PAPOLG: variants seen among roughly 807,000 people sequenced by gnomAD.
The protein encoded by PAPOLG is PAP-gamma.
PAPOLG carries 40 observed loss-of-function variants against 99.0 expected under a neutral mutation model. The observed-to-expected ratio is 0.40, with a 90% CI of 0.31 to 0.53. The LOEUF (loss-of-function observed/expected upper bound fraction) is 0.53, where lower values mean the gene tolerates loss of function less well. Among genes scored for constraint, PAPOLG ranks in the 20% least tolerant of loss-of-function variants. The probability of loss-of-function intolerance (pLI) is 0.41; values close to 1 mark genes in which losing one functional copy is unlikely to be tolerated. For missense variants in PAPOLG, 675 were observed against 884.1 expected, an observed-to-expected ratio of 0.76 and a Z score of 3.00; for synonymous variants, 310 against 299.3, an observed-to-expected ratio of 1.04 and a Z score of -0.37.
intron 21 of PAPOLG, among the ~76,000 whole-genome samples, chr2:60,796,041 T>C (rs1671685697): frequency 6.6e-6 from 1 of 152,102 alleles, no homozygotes; most frequent in Admixed American, 6.6e-5. Flanking sequence ...TAAGTCCTTA[T>C]TGCCCTGGTG....
At chr2:60,771,797 T>G (rs1318267493) in intron 7 of PAPOLG, among the ~76,000 whole-genome samples, 167 bp downstream of exon 7, 1 of 152,196 alleles carries the variant, frequency 6.6e-6, no homozygotes, top group Non-Finnish European at 1.5e-5. Context: ...AAACCACAAA[T>G]TTATTTGAAA....
At chr2:60,788,119 C>T (rs1196391306) in intron 15 of PAPOLG, among the ~76,000 whole-genome samples, 1 of 151,784 alleles carries the variant, frequency 6.6e-6, no homozygotes, top group Non-Finnish European at 1.5e-5. Context: ...ATTCAGAACA[C>T]TGTGTACACT....
intron 8 of PAPOLG, among the ~76,000 whole-genome samples, chr2:60,775,725 A>G (rs995531348): frequency 6.6e-6 from 1 of 151,774 alleles, no homozygotes; most frequent in East Asian, 1.9e-4. Flanking sequence ...TTTGTTTCCC[A>G]GTGCATATAA....
chr2:60,793,297 C>G (rs539277296), intron 17 of PAPOLG, among the ~76,000 whole-genome samples: 1 of 149,140 alleles, frequency 6.7e-6, no homozygotes, highest in African/African-American at 2.5e-5. Context: ...TGGGTCACAT[C>G]TATAATTTCA....
intron 8 of PAPOLG, among the ~76,000 whole-genome samples, chr2:60,775,633 C>G (rs921416708): frequency 1.3e-5 from 2 of 152,096 alleles, no homozygotes; most frequent in East Asian, 3.8e-4. Context: ...ACAGCACATT[C>G]TGTATTATTA....
chr2:60,789,107 C>T (rs1224275985), intron 15 of PAPOLG, among the ~76,000 whole-genome samples: 1 of 151,298 alleles, frequency 6.6e-6, no homozygotes, highest in Non-Finnish European at 1.5e-5. Context: ...TATTCTCACT[C>T]ATAGGTGGGA....
In PAPOLG at chr2:60,776,248, T is replaced by C. The variant is rs555721778; in HGVS notation, c.694+1125T>C. Among the ~76,000 whole-genome samples the C allele has an allele frequency of 6.2e-4, 95 of 152,176 alleles. No homozygotes were observed. In the Middle Eastern group the frequency reaches 0.014, roughly 22 times the overall value. ...TACTTAGAAAGGAATCTTTTTTTTT[T>C]CTGAGCAGTAGATCTCACCAATGGG... is the stretch of plus-strand genomic sequence containing the variant. On this transcript the variant is annotated intron_variant, in intron 8 of 21. Coordinates refer to ENST00000238714, the MANE Select transcript of PAPOLG (RefSeq NM_022894.4).
chr2:60,791,317 G>A (rs887453050), intron 15 of PAPOLG, among the ~76,000 whole-genome samples: 1 of 152,048 alleles, frequency 6.6e-6, no homozygotes. Context: ...TTGGGAGGCC[G>A]AGGTGGGCGG....
At chr2:60,788,971 G>T (rs2103816896) in intron 15 of PAPOLG, among the ~76,000 whole-genome samples, 1 of 152,152 alleles carries the variant, frequency 6.6e-6, no homozygotes, top group East Asian at 1.9e-4. Context: ...TCCAGCCTGG[G>T]TGACAAAGTG....
At chr2:60,770,758 G>T (rs1426215231) in intron 6 of PAPOLG, among the ~76,000 whole-genome samples, 1 of 151,940 alleles carries the variant, frequency 6.6e-6, no homozygotes, top group Non-Finnish European at 1.5e-5. Flanking sequence ...TGAGTGGCTA[G>T]GATTCCAGGC....
intron 13 of PAPOLG, among the ~76,000 whole-genome samples, chr2:60,783,724 G>A (rs1671272188): frequency 6.6e-6 from 1 of 151,710 alleles, no homozygotes; most frequent in African/African-American, 2.4e-5. Flanking sequence ...ATGTTGGCCA[G>A]GCTGGTCTCG....
intron 16 of PAPOLG, 52 bp downstream of exon 16, chr2:60,791,934 TG>T (rs1671547747): frequency 6.3e-7 from 1 of 1,579,544 alleles, no homozygotes; most frequent in African/African-American, 1.4e-5. Context: ...ACAAATGATC[TG>T]GGACCAAATT....
At position 60,783,500 on chromosome 2, in the gene PAPOLG, C is replaced by CTTTTTTT; in HGVS notation, c.1166+313_1166+319dup. Among the ~76,000 whole-genome samples, 33 of 45,362 alleles carry CTTTTTTT rather than the reference C, an allele frequency of 7.3e-4. 3 individuals carry two copies. The highest frequency in any genetic ancestry group is 1.4e-3 in the South Asian group (2 of 1,418). 29.8% of individuals were successfully genotyped at this position (45,362 alleles called of 152,430 possible). A position where few individuals can be genotyped will look rare whatever the true frequency, so the allele number is the denominator to read the frequency against. On this transcript the variant is annotated intron_variant, in intron 13 of 21. Transcript: ENST00000238714. ...ACAGGCCTGAGCCACTTTACCCGGC[C>CTTTTTTT]TTTTTTTTTTTTTTTTTTTTTTTTT...
intron 8 of PAPOLG, 44 bp from the exon 9 acceptor site, chr2:60,779,593 A>G (rs1181663151): frequency 6.4e-7 from 1 of 1,553,732 alleles, no homozygotes. Context: ...AATGTCACAG[A>G]TAGTAGGTCC....
intron 1 of PAPOLG, among the ~76,000 whole-genome samples, chr2:60,757,032 C>T (rs1271532970): frequency 6.6e-6 from 1 of 152,130 alleles, no homozygotes; most frequent in Admixed American, 6.5e-5. Context: ...ATCTACCGGT[C>T]TGTACCTCTT....
intron 7 of PAPOLG, among the ~76,000 whole-genome samples, chr2:60,773,819 A>C (rs1320145640): frequency 2.0e-5 from 3 of 152,112 alleles, no homozygotes; most frequent in Non-Finnish European, 4.4e-5. Flanking sequence ...TGAAAGCTTA[A>C]ATTTTATTAT....
chr2:60,793,606 A>G (rs1193623517), intron 17 of PAPOLG, 21 bp from the exon 18 acceptor site: 1 of 1,610,980 alleles, frequency 6.2e-7, no homozygotes, highest in Non-Finnish European at 8.5e-7. Context: ...TTTATTGATG[A>G]TAATTTAACA....
chr2:60,777,263 C>G lies in PAPOLG; in HGVS notation c.694+2140C>G, dbSNP rs368049714. ...GAGGTCAGGAGAGTTCGAGATCAGC[C>G]TGACCAACATAGTGAAACCCCCTCT... On this transcript the variant is annotated intron_variant, in intron 8 of 21. Coordinates refer to ENST00000238714, the MANE Select transcript of PAPOLG (RefSeq NM_022894.4). Among the ~76,000 whole-genome samples, 9 of 152,184 alleles carry G rather than the reference C, an allele frequency of 5.9e-5. No homozygotes were observed. In the East Asian group the frequency reaches 9.7e-4, roughly 16 times the overall value.
At position 60,793,655 on chromosome 2, in the gene PAPOLG, G is replaced by A; in HGVS notation, c.1708G>A (p.Val570Met). The A allele has an allele frequency of 1.2e-6, 2 of 1,613,906 alleles. No homozygotes were observed. Among genetic ancestry groups the A allele is most frequent in the South Asian group, 1.1e-5 (1 of 91,032 alleles). The change falls in exon 18 of 22, where the codon GTG becomes ATG. Residue 570 changes from valine (V) to methionine (M), a missense_variant. By Grantham distance (21) the Val-to-Met change is conservative. Around this residue, in one of 3 missense-constraint regions of PAPOLG, gnomAD observed 413 missense variants for 460.5 expected, o/e 0.90. Transcript: ENST00000238714. ...TAGTGCTGAGCCTGCTGCTGTAATT[G>A]TGGAGAAGCCACTGAGTGTACCACC... ...RNSAEPAAVIVEKPLSVPPAQ... is the reference protein window; with the variant it reads ...RNSAEPAAVIMEKPLSVPPAQ...
Sources: allele counts gnomAD v4.1 joint callset (sites outside exome capture counted in the v4.1 genomes callset), GRCh38; gene constraint gnomAD v4.1.1; regional missense constraint gnomAD v4.1.1; transcripts MANE v1.5; gene names NCBI Gene and HGNC (gene_info 2026-07-23, HGNC 2026-07-21).